Variants in SERGEF observed in about 807,000 individuals in gnomAD.
SERGEF encodes the protein secretion regulating guanine nucleotide exchange factor.
In SERGEF, 51 loss-of-function variants were observed where a neutral mutation model predicts 50.0. The ratio of observed to expected loss-of-function variants is 1.02; its 90% CI spans 0.81 to 1.29. SERGEF has a LOEUF of 1.29. Ranked by LOEUF, SERGEF falls within the 50% of genes most tolerant of loss-of-function variation. The pLI is 0.00. For synonymous variants in SERGEF, 205 were observed against 212.4 expected (o/e 0.97, Z 0.30); for missense variants, 521 against 557.0 (o/e 0.94, Z 0.65).
At chr11:17,967,219 T>G (rs1234810253) in intron 8 of SERGEF, among the ~76,000 whole-genome samples, 4 of 152,216 alleles carry the variant, frequency 2.6e-5, no homozygotes, top group Non-Finnish European at 5.9e-5. Context: ...AAAGCTAGGA[T>G]GGGACCCAGG....
chr11:18,001,830 G>T, intron 4 of SERGEF: 3 of 239,820 alleles, frequency 1.3e-5, no homozygotes, highest in South Asian at 9.6e-5. Flanking sequence ...TCTTTTAAAG[G>T]AACTCTATAG....
At chr11:17,830,695 T>C (rs1224845665) in intron 10 of SERGEF, among the ~76,000 whole-genome samples, 2 of 88,648 alleles carry the variant, frequency 2.3e-5, no homozygotes, top group Non-Finnish European at 4.5e-5. Flanking sequence ...AGAGCACATG[T>C]ACATGCAAGA....
chr11:17,909,692 C>T (rs1307109680), intron 9 of SERGEF, among the ~76,000 whole-genome samples: 2 of 152,136 alleles, frequency 1.3e-5, no homozygotes, highest in Non-Finnish European at 2.9e-5. Context: ...AGAAGTGTCA[C>T]CTGAATAGTG....
At chr11:17,953,156 A>T (rs1460237463) in intron 9 of SERGEF, among the ~76,000 whole-genome samples, 2 of 149,696 alleles carry the variant, frequency 1.3e-5, no homozygotes, top group African/African-American at 4.9e-5. Context: ...GGGAAGGGAC[A>T]GGATCAACAT....
chr11:17,883,473 T>C (rs1851373315), intron 9 of SERGEF, among the ~76,000 whole-genome samples: 1 of 152,228 alleles, frequency 6.6e-6, no homozygotes, highest in South Asian at 2.1e-4. Context: ...TTTACCTATA[T>C]TATCTCATAT....
intron 9 of SERGEF, among the ~76,000 whole-genome samples, chr11:17,908,812 C>T (rs1321393899): frequency 1.3e-5 from 2 of 152,102 alleles, no homozygotes; most frequent in East Asian, 3.9e-4. Flanking sequence ...GAACCAACAA[C>T]AAATCTGACA....
intron 10 of SERGEF, among the ~76,000 whole-genome samples, chr11:17,875,387 GCATCA>G (rs1048907524): frequency 9.9e-5 from 15 of 152,236 alleles, no homozygotes; most frequent in African/African-American, 3.6e-4. Context: ...AGCTGCACTG[GCATCA>G]CCTGGGATTA....
chr11:17,857,017 C>T (rs7124148), intron 10 of SERGEF, among the ~76,000 whole-genome samples: 7,116 of 152,148 alleles, frequency 0.047, 567 homozygotes, highest in African/African-American at 0.16. Context: ...CCTATGCAGC[C>T]TAGGGAAATG....
At chr11:18,001,392 G>T (rs1233032853) in intron 4 of SERGEF, among the ~76,000 whole-genome samples, 1 of 152,126 alleles carries the variant, frequency 6.6e-6, no homozygotes, top group Non-Finnish European at 1.5e-5. Context: ...AAGGCACTAA[G>T]GCTTCCTGCT....
chr11:17,982,808 A>G (rs1204066681), intron 8 of SERGEF, among the ~76,000 whole-genome samples: 6 of 152,228 alleles, frequency 3.9e-5, no homozygotes, highest in Admixed American at 3.3e-4. Context: ...CATATGTACC[A>G]TACAATTCCC....
At chr11:17,997,891 A>T (rs1177864831) in intron 5 of SERGEF, among the ~76,000 whole-genome samples, 1 of 152,114 alleles carries the variant, frequency 6.6e-6, no homozygotes, top group Non-Finnish European at 1.5e-5. Context: ...GGGAATGGGG[A>T]GTTATTGTTT....
intron 8 of SERGEF, among the ~76,000 whole-genome samples, chr11:17,967,037 A>C (rs1853139453): frequency 6.6e-6 from 1 of 152,380 alleles, no homozygotes; most frequent in African/African-American, 2.4e-5. Flanking sequence ...AATAACAATA[A>C]TAATTGCTAA....
chr11:17,809,554 C>T (rs755463419), intron 10 of SERGEF, among the ~76,000 whole-genome samples: 1 of 152,078 alleles, frequency 6.6e-6, no homozygotes, highest in East Asian at 1.9e-4. Context: ...TTTCTAAACA[C>T]TTAGACTGAG....
intron 10 of SERGEF, among the ~76,000 whole-genome samples, chr11:17,835,720 G>T (rs1456099048): frequency 2.6e-5 from 4 of 152,162 alleles, no homozygotes; most frequent in African/African-American, 9.7e-5. Flanking sequence ...AGGAAGACAA[G>T]ATTTAATTTA....
At chr11:17,934,005 T>C (rs1017804896) in intron 9 of SERGEF, among the ~76,000 whole-genome samples, 3 of 152,164 alleles carry the variant, frequency 2.0e-5, no homozygotes, top group African/African-American at 7.2e-5. Context: ...TCTATGTTCA[T>C]ACTTCTCTGC....
chr11:17,831,502 T>G (rs1850308007), intron 10 of SERGEF, among the ~76,000 whole-genome samples: 4 of 152,196 alleles, frequency 2.6e-5, no homozygotes, highest in African/African-American at 7.2e-5. Flanking sequence ...CAAGAGCCCA[T>G]GAGTAAAATC....
intron 9 of SERGEF, among the ~76,000 whole-genome samples, chr11:17,885,504 C>G (rs540435028): frequency 2.0e-5 from 3 of 151,736 alleles, no homozygotes; most frequent in Middle Eastern, 3.4e-3. Flanking sequence ...TTTTTTACTT[C>G]TTGTAGGAAC....
Position 17,788,259 on chromosome 11 carries a change from C to T in SERGEF, c.1203G>A (p.Gln401=). 1.2e-6 allele frequency: 2 copies of T among 1,613,944 alleles called. No homozygotes were observed. Among genetic ancestry groups the T allele is most frequent in the Non-Finnish European group, 8.5e-7 (1 of 1,179,930 alleles). ...GGACCAATGCAGGGTGAGCTGGCAG[C>T]TGGCAGAGGGCCAAGGAGTGGCCAG... ...CGAGHSLALC[Q]LPAHPALVQD... is the part of the protein sequence containing the mutation. Residue 401 remains glutamine (Q), a synonymous_variant, in exon 11 of 11, where the codon CAG becomes CAA. Coordinates refer to ENST00000265965, the MANE Select transcript of SERGEF (RefSeq NM_012139.4).
chr11:17,820,473 A>C (rs1176566402), intron 10 of SERGEF, among the ~76,000 whole-genome samples: 1 of 152,206 alleles, frequency 6.6e-6, no homozygotes, highest in Admixed American at 6.5e-5. Context: ...AAGTCGGACA[A>C]AGCCAGGTTG....
Sources: gnomAD v4.1 joint callset for allele counts (sites outside exome capture counted in the v4.1 genomes callset) on GRCh38, gnomAD v4.1.1 for gene constraint, MANE v1.5 for transcripts, NCBI Gene and HGNC (gene_info 2026-07-23, HGNC 2026-07-21) for gene names.